The following COX7B variants were observed in gnomAD, a reference collection of about 807,000 sequenced individuals.
COX7B encodes cytochrome c oxidase subunit 7B.
In COX7B, 2 loss-of-function variants were observed where a neutral mutation model predicts 7.9. The ratio of observed to expected loss-of-function variants is 0.25; its 90% confidence interval spans 0.10 to 0.79. The LOEUF (loss-of-function observed/expected upper bound fraction) is 0.79. Among genes scored for constraint, COX7B ranks in the 30% least tolerant of loss-of-function variants. COX7B has a pLI of 0.69. For missense variants in COX7B, 54 were observed against 62.7 expected, an observed-to-expected ratio of 0.86 and a Z score of 0.47; for synonymous variants, 19 against 21.1, an observed-to-expected ratio of 0.90 and a Z score of 0.27.
chrX:77,899,907 T>C (rs1361674796), intron 1 of COX7B, among the ~76,000 whole-genome samples: 1 of 111,816 alleles, frequency 8.9e-6, no homozygotes, highest in Non-Finnish European at 1.9e-5. Flanking sequence ...TGTCCTACAT[T>C]TTAGCTTTGG....
At position 77,906,570 on chromosome X, in the gene COX7B, T is replaced by C. The variant is rs2077135678; in HGVS notation, c.*1309T>C. 8.9e-6 allele frequency: 1 copy of C among 112,433 alleles called. No individual in the cohort carries two copies. Among genetic ancestry groups the C allele is most frequent in the African/African-American group, 3.2e-5 (1 of 30,941 alleles). The allele number at this position is 112,433 out of a possible 1,213,427, so 9.3% of individuals were successfully genotyped here. A position where few individuals can be genotyped will look rare whatever the true frequency, so the allele number is the denominator to read the frequency against. ...GGATTTGTGGATTATTATTTTAGTA[T>C]ATAACATTGGATTTTATGTATGTTA... On this transcript the variant is annotated 3_prime_UTR_variant, in exon 3 of 3. Transcript: ENST00000650309.
chrX:77,901,416 C>T (rs1431669367), intron 1 of COX7B, among the ~76,000 whole-genome samples: 1 of 106,470 alleles, frequency 9.4e-6, no homozygotes, highest in Non-Finnish European at 1.9e-5. Context: ...CTCTTTAAAA[C>T]GATAAGAACC....
Position 77,905,657 on chromosome X carries a change from A to ATT in COX7B, c.*409_*410dup, listed in dbSNP as rs782016968. On this transcript the variant is annotated 3_prime_UTR_variant, in exon 3 of 3. Transcript: ENST00000650309. ...AGGCACATGCCATGACGCCCAGCTA[A>ATT]TTTTTTTTTTTTTTGAGACGGAGTC... 4 of 101,845 alleles carry ATT rather than the reference A, an allele frequency of 3.9e-5. No homozygotes were observed. Among genetic ancestry groups the ATT allele is most frequent in the Non-Finnish European group, 7.8e-5 (4 of 51,048 alleles). The allele number at this position is 101,845 out of a possible 1,213,427, so 8.4% of individuals were successfully genotyped here.
At chrX:77,900,157 A>T (rs1480563301) in intron 1 of COX7B, among the ~76,000 whole-genome samples, 1 of 111,778 alleles carries the variant, frequency 8.9e-6, no homozygotes, top group Non-Finnish European at 1.9e-5. Context: ...CCCTGAGGTC[A>T]GGAGTTCGAG....
intron 1 of COX7B, among the ~76,000 whole-genome samples, chrX:77,901,569 A>T (rs1410291281): frequency 1.8e-5 from 2 of 111,134 alleles, no homozygotes; most frequent in Non-Finnish European, 3.8e-5. Flanking sequence ...CTGGTATAAT[A>T]CTAACAGCAA....
At position 77,907,322 on chromosome X, in the gene COX7B, A is replaced by T. The variant is rs890495014; in HGVS notation, c.*2061A>T. 1.2e-4 allele frequency: 13 copies of T among 112,271 alleles called. No individual in the cohort carries two copies. The highest frequency in any genetic ancestry group is 2.4e-4 in the Non-Finnish European group (13 of 53,293). 9.3% of individuals were successfully genotyped at this position (112,271 alleles called of 1,213,427 possible). A position where few individuals can be genotyped will look rare whatever the true frequency, so the allele number is the denominator to read the frequency against. ...ATTCAAATACATACAACCCTGAGCG[A>T]TATTGAAGTAAAATAAACATGTATT... is the stretch of plus-strand genomic sequence containing the variant. On this transcript the variant is annotated 3_prime_UTR_variant, in exon 3 of 3. Transcript: ENST00000650309.
chrX:77,902,940 C>T (rs782273208), intron 2 of COX7B, 173 bp downstream of exon 2: 5 of 373,521 alleles, frequency 1.3e-5, no homozygotes, highest in Non-Finnish European at 2.2e-5. Flanking sequence ...ATTCATCCAT[C>T]TTCTGTTCTT....
intron 2 of COX7B, 73 bp downstream of exon 2, chrX:77,902,840 A>C: frequency 9.7e-7 from 1 of 1,028,446 alleles, no homozygotes; most frequent in South Asian, 2.1e-5. Context: ...AAGTGTCTTA[A>C]CATAGTAGTG....
intron 2 of COX7B, 161 bp downstream of exon 2, chrX:77,902,928 G>A: frequency 4.9e-6 from 2 of 404,990 alleles, no homozygotes; most frequent in Non-Finnish European, 7.9e-6. Context: ...TTTCCCCCCA[G>A]CATTCATCCA....
rs1385163704 is a variant in COX7B at position 77,906,227 on chromosome X, G to T, written c.*966G>T. 2.7e-5 allele frequency: 3 copies of T among 112,156 alleles called. No individual in the cohort carries two copies. Among genetic ancestry groups the T allele is most frequent in the African/African-American group, 9.7e-5 (3 of 30,891 alleles). 9.2% of individuals were successfully genotyped at this position (112,156 alleles called of 1,213,427 possible). Reference sequence around the variant, plus strand: ...GAGCCAAAAATTTGGCCTGGATTTTGGTTATGCCTACTACTATGTGCCTCT... The same window carrying T: ...GAGCCAAAAATTTGGCCTGGATTTTTGTTATGCCTACTACTATGTGCCTCT... On this transcript the variant is annotated 3_prime_UTR_variant, in exon 3 of 3. Coordinates refer to ENST00000650309, the MANE Select transcript of COX7B (RefSeq NM_001866.3).
chrX:77,901,876 G>A (rs1557220678), intron 1 of COX7B: 1 of 110,987 alleles, frequency 9.0e-6, no homozygotes, highest in African/African-American at 3.3e-5. Flanking sequence ...AGGTGTGCAT[G>A]CACCACCATG....
Position 77,899,548 on chromosome X carries a change from T to A in COX7B, c.-6T>A. 8.3e-7 allele frequency: 1 copy of A among 1,211,280 alleles called. No homozygotes were observed. The highest frequency in any genetic ancestry group is 1.1e-6 in the Non-Finnish European group (1 of 895,278). ...GTATTGCCGCAGTTCTAGCTTCACC[T>A]TCACGATGTTTCCCTTGGTCAAAAG... is the stretch of plus-strand genomic sequence containing the variant. On this transcript the variant is annotated 5_prime_UTR_variant, in exon 1 of 3. Coordinates refer to ENST00000650309, the MANE Select transcript of COX7B (RefSeq NM_001866.3).
Position 77,899,498 on chromosome X carries a change from G to A in COX7B, c.-56G>A. 6 of 1,187,619 alleles carry A rather than the reference G, an allele frequency of 5.1e-6. No homozygotes were observed. The highest frequency in any genetic ancestry group is 3.4e-6 in the Non-Finnish European group (3 of 874,274). On this transcript the variant is annotated 5_prime_UTR_variant, in exon 1 of 3. Coordinates refer to ENST00000650309, the MANE Select transcript of COX7B (RefSeq NM_001866.3). Reference sequence around the variant, plus strand: ...TCAGCTCACTTCAAGGGTACCTGAAGCGAATTGGCACCAAAGCAGCAGCTG... The same window carrying A: ...TCAGCTCACTTCAAGGGTACCTGAAACGAATTGGCACCAAAGCAGCAGCTG...
intron 2 of COX7B, among the ~76,000 whole-genome samples, chrX:77,904,187 C>T (rs2077128650): frequency 9.3e-6 from 1 of 107,378 alleles, no homozygotes; most frequent in Non-Finnish European, 1.9e-5. Flanking sequence ...CCACCTCGGC[C>T]TCCCAAAGTG....
chrX:77,906,275 T>C lies in COX7B; in HGVS notation c.*1014T>C, dbSNP rs2077134892. 8.9e-6 allele frequency: 1 copy of C among 111,916 alleles called. No homozygotes were observed. The highest frequency in any genetic ancestry group is 3.7e-4 in the South Asian group (1 of 2,705). 9.2% of individuals were successfully genotyped at this position (111,916 alleles called of 1,213,427 possible). ...TCTCATTTGTATTTATACCTGGAAT[T>C]GGCATTATTAACTCCTTTTCACTCC... is the stretch of plus-strand genomic sequence containing the variant. On this transcript the variant is annotated 3_prime_UTR_variant, in exon 3 of 3. Coordinates refer to ENST00000650309, the MANE Select transcript of COX7B (RefSeq NM_001866.3).
At chrX:77,901,149 CAGTT>C (rs1233439341) in intron 1 of COX7B, among the ~76,000 whole-genome samples, 1 of 111,008 alleles carries the variant, frequency 9.0e-6, no homozygotes, top group Non-Finnish European at 1.9e-5. Context: ...CTATGTAAGA[CAGTT>C]AGAAGATCTG....
chrX:77,901,704 T>C (rs782463581), intron 1 of COX7B: 4 of 111,240 alleles, frequency 3.6e-5, no homozygotes, highest in South Asian at 7.5e-4. Flanking sequence ...CTCTGTCTTA[T>C]ACTTTTTTAT....
intron 1 of COX7B, among the ~76,000 whole-genome samples, chrX:77,901,248 C>CT (rs782110158): frequency 0.011 from 1,125 of 98,392 alleles, 10 homozygotes; most frequent in Non-Finnish European, 0.018. Context: ...ATTGCAGTTT[C>CT]TTTTTTTTTT....
chrX:77,903,184 C>T (rs191412428), intron 2 of COX7B: 1 of 100,241 alleles, frequency 1.0e-5, no homozygotes, highest in Non-Finnish European at 2.0e-5. Context: ...TGCCACCAGG[C>T]CTGGCTATTT....
Sources: allele counts gnomAD v4.1 joint callset (sites outside exome capture counted in the v4.1 genomes callset), GRCh38; gene constraint gnomAD v4.1.1; transcripts MANE v1.5; gene names NCBI Gene and HGNC (gene_info 2026-07-23, HGNC 2026-07-21).